Variants in PDE10A observed in about 807,000 individuals in gnomAD.
PDE10A encodes the protein cAMP and cAMP-inhibited cGMP 3',5'-cyclic phosphodiesterase 10A.
A neutral mutation model predicts 97.7 loss-of-function variants in PDE10A; 39 were observed. The ratio of observed to expected loss-of-function variants is 0.40; its 90% CI spans 0.31 to 0.52. The LOEUF is 0.52. Among genes scored for constraint, PDE10A ranks in the 20% least tolerant of loss-of-function variants. The pLI, the probability that PDE10A is intolerant of heterozygous loss-of-function variation, is 0.56. For missense variants in PDE10A, 731 were observed against 1,047.8 expected, an observed-to-expected ratio of 0.70 and a Z score of 4.17; for synonymous variants, 371 against 376.8, an observed-to-expected ratio of 0.98 and a Z score of 0.18.
intron 18 of PDE10A, among the ~76,000 whole-genome samples, chr6:165,374,407 TAATA>T (rs1784477982): frequency 6.6e-6 from 1 of 151,974 alleles, no homozygotes; most frequent in Admixed American, 6.6e-5. Flanking sequence ...GAAATATGTG[TAATA>T]TATAACAGAA....
chr6:165,720,560 T>C (rs546613742), intron 1 of PDE10A, among the ~76,000 whole-genome samples: 90 of 152,360 alleles, frequency 5.9e-4, no homozygotes, highest in African/African-American at 1.8e-3. Flanking sequence ...TCAAGTCTTA[T>C]ATCATCAAAT....
intron 1 of PDE10A, among the ~76,000 whole-genome samples, chr6:165,657,665 T>C (rs889452285): frequency 6.6e-6 from 1 of 152,262 alleles, no homozygotes; most frequent in African/African-American, 2.4e-5. Context: ...GGATAGCAGA[T>C]GACACCATCT....
chr6:165,917,395 T>G (rs373029788), intron 1 of PDE10A, among the ~76,000 whole-genome samples: 1 of 151,960 alleles, frequency 6.6e-6, no homozygotes, highest in Non-Finnish European at 1.5e-5. Context: ...CCAGGACACA[T>G]GGGAGCTAAG....
At chr6:165,716,909 A>G (rs1792038894) in intron 1 of PDE10A, among the ~76,000 whole-genome samples, 1 of 152,174 alleles carries the variant, frequency 6.6e-6, no homozygotes, top group Non-Finnish European at 1.5e-5. Context: ...GTACCTTCAC[A>G]CTGATCAGCC....
intron 2 of PDE10A, among the ~76,000 whole-genome samples, chr6:165,534,886 A>C (rs1256914199): frequency 1.3e-5 from 2 of 152,042 alleles, no homozygotes; most frequent in African/African-American, 2.4e-5. Context: ...AGATCTAACA[A>C]GACAAAGATG....
intron 1 of PDE10A, among the ~76,000 whole-genome samples, chr6:165,848,107 G>A (rs1289309130): frequency 6.6e-6 from 1 of 150,810 alleles, no homozygotes; most frequent in African/African-American, 2.4e-5. Flanking sequence ...TTTTTCTCAG[G>A]TTCAAGTTTG....
At chr6:165,493,371 A>T (rs1780336768) in intron 2 of PDE10A, among the ~76,000 whole-genome samples, 1 of 152,164 alleles carries the variant, frequency 6.6e-6, no homozygotes, top group Non-Finnish European at 1.5e-5. Context: ...AAGAGCCTGC[A>T]TAGCCAAAGA....
intron 1 of PDE10A, among the ~76,000 whole-genome samples, chr6:165,944,448 T>C (rs1783693014): frequency 6.6e-6 from 1 of 152,220 alleles, no homozygotes; most frequent in African/African-American, 2.4e-5. Context: ...CATGGGACAC[T>C]CACTTCTACA....
In PDE10A at chr6:165,655,460, G is replaced by C. The variant is rs1051662616; in HGVS notation, c.865+6487C>G. Among the ~76,000 whole-genome samples the C allele has an allele frequency of 6.6e-6, 1 of 151,866 alleles. No homozygotes were observed. The highest frequency in any genetic ancestry group is 1.5e-5 in the Non-Finnish European group (1 of 67,978). Reference sequence around the variant, plus strand: ...CCAATCTTTCCAGCCAAAAACCCAGGCATGGATTCTTGATTCCTCTCTCTC... The same window carrying C: ...CCAATCTTTCCAGCCAAAAACCCAGCCATGGATTCTTGATTCCTCTCTCTC... On this transcript the variant is annotated intron_variant, in intron 1 of 21. Coordinates refer to ENST00000539869, the MANE Select transcript of PDE10A (RefSeq NM_001385079.1). The surrounding 1 kb of genome is among the most constrained non-coding windows in gnomAD (Gnocchi z 4.5).
intron 1 of PDE10A, among the ~76,000 whole-genome samples, chr6:165,856,794 GT>G: frequency 6.6e-6 from 1 of 152,268 alleles, no homozygotes; most frequent in East Asian, 1.9e-4. Context: ...AATTTTCTCT[GT>G]TTTCCTGTTA....
intron 1 of PDE10A, among the ~76,000 whole-genome samples, chr6:165,889,936 ACTCCTCCCTCC>A (rs1250956669): frequency 9.8e-5 from 1 of 10,210 alleles, no homozygotes; most frequent in Non-Finnish European, 1.9e-4. Context: ...CTCCTCCCTC[ACTCCTCCCTCC>A]CTCCTCCCTC....
At chr6:165,347,839 G>T (rs1420889495) in intron 18 of PDE10A, among the ~76,000 whole-genome samples, 2 of 151,984 alleles carry the variant, frequency 1.3e-5, no homozygotes, top group Non-Finnish European at 1.5e-5. Flanking sequence ...CTACATTATG[G>T]CATATATATA....
chr6:165,957,746 C>T (rs1235198354), intron 1 of PDE10A, among the ~76,000 whole-genome samples: 1 of 152,200 alleles, frequency 6.6e-6, no homozygotes, highest in East Asian at 1.9e-4. Context: ...CCCCCAGCCT[C>T]TAAAAGCTTA....
chr6:165,770,115 A>G (rs919457286), intron 1 of PDE10A, among the ~76,000 whole-genome samples: 2 of 151,468 alleles, frequency 1.3e-5, no homozygotes, highest in East Asian at 2.0e-4. Flanking sequence ...AAGTGCAAAT[A>G]TTACCAAATG....
intron 1 of PDE10A, among the ~76,000 whole-genome samples, chr6:165,547,348 G>A (rs927975615): frequency 4.6e-5 from 7 of 152,100 alleles, no homozygotes; most frequent in African/African-American, 1.7e-4. Context: ...CACGGGTATT[G>A]ATAGACTGAA....
chr6:165,433,174 CA>C (rs759683521), intron 6 of PDE10A, 45 bp from the exon 7 acceptor site: 1 of 1,415,482 alleles, frequency 7.1e-7, no homozygotes, highest in Non-Finnish European at 9.9e-7. Context: ...GTGAAATGAT[CA>C]TTAAGTGATG....
chr6:165,601,490 C>A (rs1241494720), intron 1 of PDE10A, among the ~76,000 whole-genome samples: 1 of 152,142 alleles, frequency 6.6e-6, no homozygotes, highest in African/African-American at 2.4e-5. Flanking sequence ...AATACTTATA[C>A]CAGCCCTATG....
intron 1 of PDE10A, among the ~76,000 whole-genome samples, chr6:165,647,382 C>G (rs189913902): frequency 6.6e-6 from 1 of 152,146 alleles, no homozygotes; most frequent in African/African-American, 2.4e-5. Flanking sequence ...TAGACAGGAC[C>G]GAGTGAAGGC....
At position 165,655,397 on chromosome 6, in the gene PDE10A, T is replaced by C. The variant is rs1789890730; in HGVS notation, c.865+6550A>G. 6.6e-6 allele frequency among the ~76,000 whole-genome samples: 1 copy of C among 152,044 alleles called. No individual in the cohort carries two copies. The highest frequency in any genetic ancestry group is 2.1e-4 in the South Asian group (1 of 4,820). Reference sequence around the variant, plus strand: ...CACCCCACGTGCTCCTCCTCCAGGCTTCCCATCCCAATCCCAGTGAACAGC... The same window carrying C: ...CACCCCACGTGCTCCTCCTCCAGGCCTCCCATCCCAATCCCAGTGAACAGC... On this transcript the variant is annotated intron_variant, in intron 1 of 21. Transcript: ENST00000539869. This position sits in a 1 kb window ranked among gnomAD's most constrained non-coding sequence, Gnocchi z 4.5.
Sources: gnomAD v4.1 joint callset for allele counts (sites outside exome capture counted in the v4.1 genomes callset) on GRCh38, gnomAD v4.1.1 for gene constraint, Gnocchi (gnomAD v3.1) non-coding constraint, MANE v1.5 for transcripts, NCBI Gene and HGNC (gene_info 2026-07-23, HGNC 2026-07-21) for gene names.